The following DCAF13 variants were observed in gnomAD, a reference collection of about 807,000 sequenced individuals.
The protein encoded by DCAF13 is DDB1 and CUL4 associated factor 13, also known as DDB1- and CUL4-associated factor 13.
In DCAF13, 38 loss-of-function variants were observed where a neutral mutation model predicts 59.0. The observed-to-expected ratio is 0.64, with a 90% CI of 0.50 to 0.84. The LOEUF (loss-of-function observed/expected upper bound fraction) is 0.84. DCAF13 is among the 40% of genes least tolerant of loss of function. The pLI, the probability that DCAF13 is intolerant of heterozygous loss-of-function variation, is 0.00. For synonymous variants in DCAF13, 173 were observed against 175.0 expected, an observed-to-expected ratio of 0.99 and a Z score of 0.09; for missense variants, 469 against 558.4, an observed-to-expected ratio of 0.84 and a Z score of 1.61.
intron 3 of DCAF13, among the ~76,000 whole-genome samples, chr8:103,423,311 A>G (rs1174035703): frequency 2.0e-5 from 3 of 151,442 alleles, no homozygotes. Flanking sequence ...GTGTCCAGCA[A>G]TGGATGAATG....
rs1382507907 is a variant in DCAF13, at chr8:103,418,889, T to A, written c.71-1375T>A. On this transcript the variant is annotated intron_variant, in intron 1 of 10. Coordinates refer to ENST00000612750, the MANE Select transcript of DCAF13 (RefSeq NM_015420.7). Reference sequence around the variant, plus strand: ...ATATTTTTTTTTTTTTTTTTTTTTTTTTTTTTTTTTTTGAGATGAAGTCAC... The same window carrying A: ...ATATTTTTTTTTTTTTTTTTTTTTTATTTTTTTTTTTTGAGATGAAGTCAC... Among the ~76,000 whole-genome samples the A allele has an allele frequency of 3.0e-3, 249 of 82,976 alleles. 21 individuals carry two copies. The East Asian group carries it at 0.048, about 16-fold the overall frequency. The allele number at this position is 82,976 out of a possible 152,430, so 54.4% of individuals were successfully genotyped here. A position where few individuals can be genotyped will look rare whatever the true frequency, so the allele number is the denominator to read the frequency against.
intron 5 of DCAF13, chr8:103,429,206 A>G (rs941045661): frequency 4.6e-5 from 7 of 152,190 alleles, no homozygotes; most frequent in African/African-American, 1.7e-4. Context: ...CTTTTTAGAA[A>G]TGGAACCTGG....
chr8:103,438,779 GC>G (rs2130496501), intron 8 of DCAF13, among the ~76,000 whole-genome samples: 1 of 152,144 alleles, frequency 6.6e-6, no homozygotes, highest in South Asian at 2.1e-4. Flanking sequence ...AGTTTATTGA[GC>G]CTGTTTCCTT....
At chr8:103,441,250 A>G (rs1817006581) in intron 9 of DCAF13, 2 of 470,044 alleles carry the variant, frequency 4.3e-6, no homozygotes, top group Non-Finnish European at 7.4e-6. Context: ...ATCTATCTAC[A>G]TGGCGAGTGT....
intron 3 of DCAF13, among the ~76,000 whole-genome samples, chr8:103,423,177 C>T (rs189240611): frequency 6.6e-6 from 1 of 152,028 alleles, no homozygotes; most frequent in East Asian, 1.9e-4. Flanking sequence ...CTTGGTTATT[C>T]TCTTGGATAT....
At chr8:103,435,508 C>A in intron 7 of DCAF13, 118 bp from the exon 8 acceptor site, 3 of 805,206 alleles carry the variant, frequency 3.7e-6, no homozygotes, top group Non-Finnish European at 5.5e-6. Context: ...CAGCATTGAG[C>A]TTTTTGTTTA....
intron 5 of DCAF13, chr8:103,427,728 T>C (rs1439056444): frequency 6.5e-6 from 1 of 154,352 alleles, no homozygotes; most frequent in East Asian, 1.9e-4. Flanking sequence ...GGTAATTAGT[T>C]ATAGTTATAT....
rs145930039 is a variant in DCAF13 at position 103,437,831 on chromosome 8, G to C, written c.950+2041G>C. ...ATTTTTTAAAACTACAGTTAAGTCA[G>C]TATTTGAAAGTAGGCTTCTGTTGGA... On this transcript the variant is annotated intron_variant, in intron 8 of 10. Transcript: ENST00000612750. Among the ~76,000 whole-genome samples the C allele has an allele frequency of 4.5e-3, 690 of 152,230 alleles. 3 individuals carry two copies. Among genetic ancestry groups the C allele is most frequent in the African/African-American group, 0.016 (674 of 41,552 alleles).
chr8:103,435,896 C>A, intron 8 of DCAF13, 106 bp downstream of exon 8: 1 of 1,192,636 alleles, frequency 8.4e-7, no homozygotes. Flanking sequence ...TGAACATCAT[C>A]AGAGTGCACT....
intron 9 of DCAF13, 198 bp from the exon 10 acceptor site, chr8:103,441,257 G>C: frequency 2.1e-6 from 1 of 486,542 alleles, no homozygotes; most frequent in Non-Finnish European, 3.6e-6. Flanking sequence ...TACATGGCGA[G>C]TGTGTTGCCT....
At chr8:103,417,583 A>G (rs1488690250) in intron 1 of DCAF13, among the ~76,000 whole-genome samples, 1 of 148,188 alleles carries the variant, frequency 6.7e-6, no homozygotes, top group Non-Finnish European at 1.5e-5. Context: ...CAGAGCTTGC[A>G]GTGAGCCGAG....
In DCAF13 at chr8:103,427,133, G is replaced by A; in HGVS notation, c.505G>A (p.Ala169Thr). The A allele has an allele frequency of 6.2e-7, 1 of 1,613,218 alleles. No individual in the cohort carries two copies. The highest frequency in any genetic ancestry group is 8.5e-7 in the Non-Finnish European group (1 of 1,179,606). ...TGGGATTGATCATCACTGGAAAGAAGCTGTTTTTGCCACATGTGGACAGCA... is the reference window on the plus strand; with the variant it reads ...TGGGATTGATCATCACTGGAAAGAAACTGTTTTTGCCACATGTGGACAGCA... ...YTGIDHHWKE[A>T]VFATCGQQVD... The change falls in exon 5 of 11, where the codon GCT becomes ACT. Residue 169 changes from alanine (A) to threonine (T), a missense_variant. This residue lies in a region of DCAF13 where 355 missense variants were observed against 399.1 expected (regional missense o/e 0.89). Transcript: ENST00000612750.
At chr8:103,433,173 G>T (rs951867390) in intron 7 of DCAF13, among the ~76,000 whole-genome samples, 3 of 152,052 alleles carry the variant, frequency 2.0e-5, no homozygotes, top group South Asian at 2.1e-4. Flanking sequence ...GTTTGATGTA[G>T]GTCTTATAAA....
chr8:103,442,730 C>G, intron 10 of DCAF13, 65 bp from the exon 11 acceptor site: 3 of 1,108,214 alleles, frequency 2.7e-6, no homozygotes, highest in Non-Finnish European at 3.8e-6. Flanking sequence ...TTTGATTTTT[C>G]TGAGAAAGTT....
At chr8:103,442,528 T>G (rs1817025251) in intron 10 of DCAF13, 1 of 245,714 alleles carries the variant, frequency 4.1e-6, no homozygotes. Context: ...GGGTAGATGT[T>G]GCAGTAGAAT....
rs1159489554 is a variant in DCAF13 at position 103,418,866 on chromosome 8, ATTTTTT to A, written c.71-1368_71-1363del. Among the ~76,000 whole-genome samples the A allele has an allele frequency of 1.9e-3, 74 of 38,414 alleles. 1 individual carries two copies. The highest frequency in any genetic ancestry group is 2.7e-3 in the Non-Finnish European group (56 of 20,642). 25.2% of individuals were successfully genotyped at this position (38,414 alleles called of 152,430 possible). A position where few individuals can be genotyped will look rare whatever the true frequency, so the allele number is the denominator to read the frequency against. ...TATATATATATATATATATATATAT[ATTTTTT>A]TTTTTTTTTTTTTTTTTTTTTTTTT... is the stretch of plus-strand genomic sequence containing the variant. On this transcript the variant is annotated intron_variant, in intron 1 of 10. Coordinates refer to ENST00000612750, the MANE Select transcript of DCAF13 (RefSeq NM_015420.7).
At chr8:103,425,381 G>A (rs1293739551) in intron 3 of DCAF13, among the ~76,000 whole-genome samples, 1 of 152,110 alleles carries the variant, frequency 6.6e-6, no homozygotes, top group Admixed American at 6.5e-5. Context: ...CTTGATTTGG[G>A]CTAACGTGCC....
At chr8:103,436,239 A>G (rs1407695876) in intron 8 of DCAF13, among the ~76,000 whole-genome samples, 1 of 152,186 alleles carries the variant, frequency 6.6e-6, no homozygotes, top group Non-Finnish European at 1.5e-5. Flanking sequence ...TTTTGCTCCA[A>G]TACAGTTTAA....
At chr8:103,441,230 A>T in intron 9 of DCAF13, 3 of 426,410 alleles carry the variant, frequency 7.0e-6, no homozygotes, top group Non-Finnish European at 1.2e-5. Context: ...GCTGCTTTCT[A>T]CTGGGTGGCA....
Sources: allele counts gnomAD v4.1 joint callset (sites outside exome capture counted in the v4.1 genomes callset), GRCh38; gene constraint gnomAD v4.1.1; regional missense constraint gnomAD v4.1.1; transcripts MANE v1.5; gene names NCBI Gene and HGNC (gene_info 2026-07-23, HGNC 2026-07-21).